MMP26: variants seen among roughly 807,000 people sequenced by gnomAD.
MMP26 encodes matrix metallopeptidase 26.
MMP26 carries 33 observed loss-of-function variants against 31.0 expected under a neutral mutation model. The observed-to-expected ratio is 1.06, with a 90% CI of 0.81 to 1.42. MMP26 has a LOEUF of 1.42. Among genes scored for constraint, MMP26 ranks in the 40% most tolerant of loss-of-function variants. The pLI is 0.00. For missense variants in MMP26, 347 were observed against 316.1 expected (o/e 1.10, Z -0.74); for synonymous variants, 122 against 114.9 (o/e 1.06, Z -0.40).
At chr11:4,862,812 T>C (rs548682169) in intron 2 of MMP26, among the ~76,000 whole-genome samples, 1 of 152,314 alleles carries the variant, frequency 6.6e-6, no homozygotes, top group East Asian at 1.9e-4. Flanking sequence ...GGTAGTGTAG[T>C]CCACTCACAC....
chr11:4,771,624 G>A (rs1257269128), intron 2 of MMP26, among the ~76,000 whole-genome samples: 2 of 152,132 alleles, frequency 1.3e-5, no homozygotes, highest in African/African-American at 2.4e-5. Context: ...CAGTATTCAT[G>A]AGTATAATGT....
intron 2 of MMP26, among the ~76,000 whole-genome samples, chr11:4,872,133 A>G (rs1850319267): frequency 6.6e-6 from 1 of 152,118 alleles, no homozygotes; most frequent in African/African-American, 2.4e-5. Flanking sequence ...GAGATAGGAC[A>G]TGTAAATGGC....
intron 2 of MMP26, among the ~76,000 whole-genome samples, chr11:4,856,422 C>T (rs897959614): frequency 6.6e-6 from 1 of 152,120 alleles, no homozygotes; most frequent in African/African-American, 2.4e-5. Context: ...GATTGCAATC[C>T]TAGTCTCTGA....
chr11:4,834,070 A>G (rs1311534287), intron 2 of MMP26, among the ~76,000 whole-genome samples: 1 of 152,190 alleles, frequency 6.6e-6, no homozygotes, highest in Non-Finnish European at 1.5e-5. Flanking sequence ...TCCTGAAGCC[A>G]GGCCCCTCAC....
At position 4,883,237 on chromosome 11, in the gene MMP26, ATT is replaced by A. The variant is rs59635167; in HGVS notation, c.-144-104821_-144-104820del. On this transcript the variant is annotated intron_variant, in intron 2 of 7. Coordinates refer to ENST00000380390, the MANE Select transcript of MMP26 (RefSeq NM_021801.5). ...TTTTATTTTCACATCCAGCTGAACA[ATT>A]TTTTTTTTTCCCTGAGGTGATATTT... 3.2e-3 allele frequency among the ~76,000 whole-genome samples: 488 copies of A among 150,782 alleles called. 6 individuals are homozygous for A. The highest frequency in any genetic ancestry group is 0.011 in the African/African-American group (442 of 40,968).
chr11:4,935,535 G>A (rs1413926830), intron 2 of MMP26, among the ~76,000 whole-genome samples: 1 of 151,618 alleles, frequency 6.6e-6, no homozygotes, highest in South Asian at 2.1e-4. Flanking sequence ...GGGACAATTT[G>A]ACTTCCTCTT....
chr11:4,732,889 C>T (rs1359247193), intron 1 of MMP26, among the ~76,000 whole-genome samples: 2 of 152,160 alleles, frequency 1.3e-5, no homozygotes, highest in South Asian at 2.1e-4. Context: ...TGGGCGGCAG[C>T]GCCATTTGTT....
chr11:4,984,133 G>A (rs1463492407), intron 2 of MMP26, among the ~76,000 whole-genome samples: 1 of 152,152 alleles, frequency 6.6e-6, no homozygotes. Flanking sequence ...TCCAGGAGCA[G>A]CATTAGAGAG....
chr11:4,789,694 C>T (rs1219931075), intron 2 of MMP26, among the ~76,000 whole-genome samples: 1 of 151,478 alleles, frequency 6.6e-6, no homozygotes, highest in Non-Finnish European at 1.5e-5. Context: ...GTGCCTGCCA[C>T]CACACCCAGC....
intron 2 of MMP26, among the ~76,000 whole-genome samples, chr11:4,864,495 C>T (rs994453381): frequency 2.0e-5 from 3 of 152,116 alleles, no homozygotes; most frequent in Non-Finnish European, 2.9e-5. Context: ...TTAGTTTAGG[C>T]ATGATTGACA....
intron 2 of MMP26, among the ~76,000 whole-genome samples, chr11:4,816,670 G>T (rs191625457): frequency 6.0e-4 from 84 of 139,444 alleles, no homozygotes; most frequent in Admixed American, 4.1e-3. Flanking sequence ...GGAAATAATT[G>T]ATTTTCTTTT....
At chr11:4,889,677 C>T (rs539429995) in intron 2 of MMP26, 3 of 152,428 alleles carry the variant, frequency 2.0e-5, no homozygotes, top group African/African-American at 7.2e-5. Context: ...GTGGCACTAG[C>T]AAGAAAACAT....
chr11:4,862,976 C>A (rs1850184488), intron 2 of MMP26, among the ~76,000 whole-genome samples: 1 of 152,092 alleles, frequency 6.6e-6, no homozygotes, highest in Non-Finnish European at 1.5e-5. Context: ...AAGTGAGAGC[C>A]TTCACTTGTT....
chr11:4,743,589 T>C (rs578154669), intron 1 of MMP26, among the ~76,000 whole-genome samples: 1 of 152,300 alleles, frequency 6.6e-6, no homozygotes, highest in African/African-American at 2.4e-5. Context: ...AATGATACAA[T>C]ACCATTCCCA....
At chr11:4,914,841 G>A (rs1589937508) in intron 2 of MMP26, 1 of 1,614,032 alleles carries the variant, frequency 6.2e-7, no homozygotes, top group Non-Finnish European at 8.5e-7. Flanking sequence ...TGGACCAGGT[G>A]GGGTGCCTGC....
chr11:4,915,106 G>A (rs1165839159), intron 2 of MMP26: 18 of 1,613,984 alleles, frequency 1.1e-5, no homozygotes, highest in Non-Finnish European at 1.4e-5. Flanking sequence ...TCACTTCTTG[G>A]TGGAGACAAT....
intron 2 of MMP26, among the ~76,000 whole-genome samples, chr11:4,898,494 A>G (rs1273807454): frequency 6.6e-6 from 1 of 152,048 alleles, no homozygotes; most frequent in Non-Finnish European, 1.5e-5. Context: ...TCTTGTACCT[A>G]CTATTCTTTT....
Position 4,886,910 on chromosome 11 carries a change from G to A in MMP26, c.-144-101158G>A, listed in dbSNP as rs556836997. 5.9e-5 allele frequency among the ~76,000 whole-genome samples: 9 copies of A among 151,576 alleles called. No homozygotes were observed. In the East Asian group the frequency reaches 1.7e-3, roughly 29 times the overall value. ...TTTCCCATCCATATGTGATTTGTTT[G>A]CTTATATTTCAGTAGATTTTAAAAT... On this transcript the variant is annotated intron_variant, in intron 2 of 7. Transcript: ENST00000380390.
chr11:4,706,946 G>C (rs1847788628), intron 1 of MMP26, among the ~76,000 whole-genome samples: 1 of 152,164 alleles, frequency 6.6e-6, no homozygotes, highest in Non-Finnish European at 1.5e-5. Context: ...TCTATTACAT[G>C]TATGTCTTGT....
Sources: allele counts gnomAD v4.1 joint callset (sites outside exome capture counted in the v4.1 genomes callset), GRCh38; gene constraint gnomAD v4.1.1; transcripts MANE v1.5; gene names NCBI Gene and HGNC (gene_info 2026-07-23, HGNC 2026-07-21).